Variants in PRKG1 observed in about 807,000 individuals in gnomAD.
PRKG1 encodes protein kinase cGMP-dependent 1.
PRKG1 carries 35 observed loss-of-function variants against 88.1 expected under a neutral mutation model. The ratio of observed to expected loss-of-function variants is 0.40; its 90% CI spans 0.30 to 0.53. The LOEUF (loss-of-function observed/expected upper bound fraction) is 0.53. PRKG1 is among the 20% of genes least tolerant of loss of function. The pLI is 0.59. For synonymous variants in PRKG1, 303 were observed against 292.5 expected (o/e 1.04, Z -0.37); for missense variants, 540 against 839.8 (o/e 0.64, Z 4.41).
intron 3 of PRKG1, among the ~76,000 whole-genome samples, chr10:51,658,763 T>G (rs886561614): frequency 8.5e-5 from 13 of 152,104 alleles, no homozygotes; most frequent in Non-Finnish European, 1.3e-4. Flanking sequence ...TCACTTTTAT[T>G]TTTTTTCTTC....
chr10:51,693,165 G>A (rs1245552330), intron 3 of PRKG1, among the ~76,000 whole-genome samples: 1 of 151,154 alleles, frequency 6.6e-6, no homozygotes, highest in Non-Finnish European at 1.5e-5. Flanking sequence ...GCACACGCCT[G>A]TAATCACAGC....
At chr10:51,951,686 G>GA (rs59519380) in intron 5 of PRKG1, among the ~76,000 whole-genome samples, 105,553 of 151,502 alleles carry the variant, frequency 0.7, 37,026 homozygotes, top group South Asian at 0.76. Context: ...AGACAGAAAG[G>GA]AAAAAAAATA....
chr10:51,157,121 T>C (rs993578555), intron 2 of PRKG1, among the ~76,000 whole-genome samples: 3 of 151,978 alleles, frequency 2.0e-5, no homozygotes, highest in African/African-American at 4.8e-5. Context: ...GAGGTTCTTA[T>C]GGTTTTAACA....
intron 3 of PRKG1, among the ~76,000 whole-genome samples, chr10:51,540,540 A>G (rs1438239159): frequency 2.0e-5 from 3 of 152,192 alleles, no homozygotes; most frequent in Non-Finnish European, 4.4e-5. Flanking sequence ...TAGATAAATA[A>G]TATACATATA....
At chr10:51,727,401 G>A (rs1479658523) in intron 3 of PRKG1, among the ~76,000 whole-genome samples, 1 of 151,764 alleles carries the variant, frequency 6.6e-6, no homozygotes, top group Admixed American at 6.6e-5. Flanking sequence ...TTGGAATTAC[G>A]GTTCAAACCA....
At chr10:51,942,190 C>G (rs1315771689) in intron 5 of PRKG1, among the ~76,000 whole-genome samples, 1 of 151,636 alleles carries the variant, frequency 6.6e-6, no homozygotes, top group Non-Finnish European at 1.5e-5. Context: ...ATTTGCATTT[C>G]TCTGATGGCC....
intron 3 of PRKG1, among the ~76,000 whole-genome samples, chr10:51,667,338 C>G (rs1840447056): frequency 6.6e-6 from 1 of 151,948 alleles, no homozygotes; most frequent in Non-Finnish European, 1.5e-5. Flanking sequence ...AAAATGATAC[C>G]AAAGTAGAAT....
At chr10:51,387,910 C>T (rs551805128) in intron 2 of PRKG1, among the ~76,000 whole-genome samples, 1 of 152,032 alleles carries the variant, frequency 6.6e-6, no homozygotes, top group South Asian at 2.1e-4. Context: ...TAATGTTGGG[C>T]ATATGGTATG....
intron 3 of PRKG1, among the ~76,000 whole-genome samples, chr10:51,576,445 A>G (rs1837889479): frequency 6.6e-6 from 1 of 152,042 alleles, no homozygotes; most frequent in Non-Finnish European, 1.5e-5. Flanking sequence ...TCTCAAAAAT[A>G]GCAGGGCCCT....
At chr10:51,914,489 T>C (rs1273204799) in intron 5 of PRKG1, among the ~76,000 whole-genome samples, 1 of 152,218 alleles carries the variant, frequency 6.6e-6, no homozygotes, top group African/African-American at 2.4e-5. Flanking sequence ...TACCACCTGG[T>C]GTGAGTACCA....
chr10:51,133,534 C>G (rs1291400971), intron 1 of PRKG1, among the ~76,000 whole-genome samples: 2 of 152,108 alleles, frequency 1.3e-5, no homozygotes, highest in African/African-American at 4.8e-5. Flanking sequence ...GAGGAAATAG[C>G]AGGAAAAAAG....
At chr10:51,507,435 A>G (rs1841254158) in intron 3 of PRKG1, among the ~76,000 whole-genome samples, 1 of 152,098 alleles carries the variant, frequency 6.6e-6, no homozygotes, top group South Asian at 2.1e-4. Flanking sequence ...TTGTGCTTGT[A>G]TTCTTGCTCA....
At chr10:51,795,607 G>A (rs889418803) in intron 3 of PRKG1, among the ~76,000 whole-genome samples, 2 of 152,054 alleles carry the variant, frequency 1.3e-5, no homozygotes, top group Admixed American at 6.6e-5. Context: ...GCTTGATGGA[G>A]CCCCTCAAGG....
At chr10:51,109,912 G>T (rs1001005862) in intron 1 of PRKG1, among the ~76,000 whole-genome samples, 2 of 151,898 alleles carry the variant, frequency 1.3e-5, no homozygotes, top group Non-Finnish European at 2.9e-5. Context: ...AAAAAAATTG[G>T]CAAATGTTTA....
intron 5 of PRKG1, among the ~76,000 whole-genome samples, chr10:52,036,969 C>G (rs1192784583): frequency 6.6e-6 from 1 of 152,276 alleles, no homozygotes; most frequent in Non-Finnish European, 1.5e-5. Context: ...GTGAGAGTTA[C>G]CGGAAGCTCG....
At chr10:51,146,424 A>AATT (rs71029350) in intron 1 of PRKG1, among the ~76,000 whole-genome samples, 65,511 of 149,000 alleles carry the variant, frequency 0.44, 14,596 homozygotes, top group African/African-American at 0.55. Flanking sequence ...GTTTTAATCA[A>AATT]ATTATTATTA....
chr10:51,774,945 A>G (rs1305779013), intron 3 of PRKG1, among the ~76,000 whole-genome samples: 1 of 152,138 alleles, frequency 6.6e-6, no homozygotes, highest in East Asian at 1.9e-4. Context: ...TTAGTAACCA[A>G]GCTTTAAATT....
intron 3 of PRKG1, among the ~76,000 whole-genome samples, chr10:51,548,827 A>G (rs1810588150): frequency 6.6e-6 from 1 of 152,110 alleles, no homozygotes; most frequent in Non-Finnish European, 1.5e-5. Context: ...GATTCACATA[A>G]AACTACAAGA....
chr10:52,026,359 G>T (rs1436937459), intron 5 of PRKG1, among the ~76,000 whole-genome samples: 1 of 152,170 alleles, frequency 6.6e-6, no homozygotes, highest in African/African-American at 2.4e-5. Context: ...CTTTGCATAT[G>T]CTTCTGTCTA....
Sources: allele counts gnomAD v4.1 joint callset (sites outside exome capture counted in the v4.1 genomes callset), GRCh38; gene constraint gnomAD v4.1.1; transcripts MANE v1.5; gene names NCBI Gene and HGNC (gene_info 2026-07-23, HGNC 2026-07-21).